Variants in ERN1 observed in about 807,000 individuals in gnomAD.
The protein encoded by ERN1 is serine/threonine-protein kinase/endoribonuclease IRE1.
ERN1 carries 39 observed loss-of-function variants against 113.1 expected under a neutral mutation model. The ratio of observed to expected loss-of-function variants is 0.34; its 90% CI spans 0.27 to 0.45. The LOEUF (loss-of-function observed/expected upper bound fraction) is 0.45, where lower values mean the gene tolerates loss of function less well. ERN1 is among the 20% of genes least tolerant of loss of function. ERN1 has a pLI of 1.00. For missense variants in ERN1, 976 were observed against 1,274.8 expected, an observed-to-expected ratio of 0.77 and a Z score of 3.57; for synonymous variants, 507 against 515.9, an observed-to-expected ratio of 0.98 and a Z score of 0.23.
chr17:64,119,370 T>C (rs899431146), intron 1 of ERN1, among the ~76,000 whole-genome samples: 3 of 148,046 alleles, frequency 2.0e-5, no homozygotes, highest in East Asian at 1.9e-4. Context: ...GTTCCTTTTT[T>C]TCTAGGTTTT....
intron 2 of ERN1, among the ~76,000 whole-genome samples, chr17:64,088,681 G>A (rs1414739833): frequency 6.6e-6 from 1 of 152,130 alleles, no homozygotes; most frequent in Non-Finnish European, 1.5e-5. Context: ...GGGAGCTTAT[G>A]GTTTGAGTTA....
At chr17:64,101,433 A>G (rs1376094921) in intron 1 of ERN1, among the ~76,000 whole-genome samples, 4 of 152,158 alleles carry the variant, frequency 2.6e-5, no homozygotes, top group Non-Finnish European at 4.4e-5. Context: ...AAGGGAAAAC[A>G]ATACTGCAAA....
chr17:64,055,951 G>C lies in ERN1; in HGVS notation c.1399-3C>G, dbSNP rs1401973324. 6.5e-7 allele frequency: 1 copy of C among 1,535,440 alleles called. No homozygotes were observed. ...AGCTGCTGCTGCTGATGCATGCTCT[G>C]GGAAGAGAAACCCACATCCAGACAA... On this transcript the variant is annotated splice_polypyrimidine_tract_variant and splice_region_variant and intron_variant, in intron 12 of 21. Coordinates refer to ENST00000433197, the MANE Select transcript of ERN1 (RefSeq NM_001433.5).
intron 2 of ERN1, among the ~76,000 whole-genome samples, chr17:64,085,934 A>G (rs891820445): frequency 1.3e-5 from 2 of 152,198 alleles, no homozygotes; most frequent in Non-Finnish European, 2.9e-5. Flanking sequence ...GGGGATATTA[A>G]GGGAGACTGA....
intron 6 of ERN1, 39 bp from the exon 7 acceptor site, chr17:64,068,330 G>C: frequency 7.2e-7 from 1 of 1,397,788 alleles, no homozygotes; most frequent in Non-Finnish European, 1.0e-6. Flanking sequence ...ACCACGGAGG[G>C]GCCATAGTAC....
chr17:64,066,712 C>T lies in ERN1; in HGVS notation c.801G>A (p.Lys267=). The change falls in exon 8 of 22, where the codon AAG becomes AAA. Residue 267 remains lysine, a synonymous_variant. Transcript: ENST00000433197. ...SGEVGRITKW[K]YPFPKETEAK... is the part of the protein sequence containing the mutation. ...CCTCTGTCTCCTTGGGGAACGGGTA[C>T]TTCCACTTTGTGATGCGCCCCACCT... 2 of 1,613,988 alleles carry T rather than the reference C, an allele frequency of 1.2e-6. No individual in the cohort carries two copies. Among genetic ancestry groups the T allele is most frequent in the Non-Finnish European group, 1.7e-6 (2 of 1,179,892 alleles).
chr17:64,062,489 G>A (rs1248867184), intron 10 of ERN1, among the ~76,000 whole-genome samples: 2 of 152,322 alleles, frequency 1.3e-5, no homozygotes, highest in East Asian at 1.9e-4. Context: ...AGAGGCTTTC[G>A]AATTGTGGGA....
At chr17:64,057,768 A>T in intron 12 of ERN1, 34 bp downstream of exon 12, 1 of 1,597,700 alleles carries the variant, frequency 6.3e-7, no homozygotes, top group East Asian at 2.2e-5. Flanking sequence ...CCCCAGAAAT[A>T]GGTGGATGGC....
chr17:64,092,789 T>C (rs940900798), intron 2 of ERN1, among the ~76,000 whole-genome samples: 3 of 152,290 alleles, frequency 2.0e-5, no homozygotes, highest in African/African-American at 4.8e-5. Context: ...CTGGAAATAC[T>C]AAAGAAAGTC....
intron 1 of ERN1, 105 bp downstream of exon 1, chr17:64,129,871 C>T: frequency 9.1e-7 from 1 of 1,103,736 alleles, no homozygotes; most frequent in Non-Finnish European, 1.2e-6. Context: ...TGGCCGCCGC[C>T]GTCGCGCTCC....
At position 64,060,598 on chromosome 17, in the gene ERN1, A is replaced by T; in HGVS notation, c.1088-11T>A. ...GGGTTTCATGGTGTCCTATGACAGG[A>T]AACAAAACCTTTAGTGAGAACAATT... On this transcript the variant is annotated splice_polypyrimidine_tract_variant and intron_variant, in intron 10 of 21. Transcript: ENST00000433197. The T allele has an allele frequency of 1.3e-6, 2 of 1,588,294 alleles. No individual in the cohort carries two copies. The highest frequency in any genetic ancestry group is 1.7e-6 in the Non-Finnish European group (2 of 1,156,456).
At chr17:64,048,209 A>G (rs775100284) in intron 18 of ERN1, among the ~76,000 whole-genome samples, 2 of 152,224 alleles carry the variant, frequency 1.3e-5, no homozygotes, top group Non-Finnish European at 2.9e-5. Flanking sequence ...CAGAGGCCCA[A>G]GTGGATACAC....
intron 1 of ERN1, 81 bp downstream of exon 1, chr17:64,129,895 A>T (rs1171687797): frequency 7.9e-7 from 1 of 1,259,138 alleles, no homozygotes; most frequent in African/African-American, 1.6e-5. Flanking sequence ...CTCGGACTCC[A>T]GCCCCGGCGC....
chr17:64,054,671 A>G lies in ERN1; in HGVS notation c.1763+67T>C. ...CCTGCTGTGCTCTGAGCCTGGCACC[A>G]GGCTCGCAACCTGACAGGCACTTAG... On this transcript the variant is annotated intron_variant, in intron 14 of 21. Coordinates refer to ENST00000433197, the MANE Select transcript of ERN1 (RefSeq NM_001433.5). This position sits in a 1 kb window ranked among gnomAD's most constrained non-coding sequence, Gnocchi z 4.9. 1 of 1,312,580 alleles carries G rather than the reference A, an allele frequency of 7.6e-7. No homozygotes were observed. The highest frequency in any genetic ancestry group is 1.1e-6 in the Non-Finnish European group (1 of 939,232). The allele number at this position is 1,312,580 out of a possible 1,614,324, so 81.3% of individuals were successfully genotyped here.
intron 1 of ERN1, among the ~76,000 whole-genome samples, chr17:64,125,441 A>T (rs1915055521): frequency 6.6e-6 from 1 of 152,150 alleles, no homozygotes; most frequent in Non-Finnish European, 1.5e-5. Context: ...ATCAGTTATA[A>T]CCCCAGTCCC....
intron 1 of ERN1, among the ~76,000 whole-genome samples, chr17:64,121,338 G>A (rs1179417514): frequency 2.0e-5 from 3 of 152,166 alleles, no homozygotes; most frequent in Non-Finnish European, 4.4e-5. Context: ...AGAGAAGAGC[G>A]GCTTGGGTTA....
At position 64,055,919 on chromosome 17, in the gene ERN1, GTGCTGGAGCTGCTGC is replaced by G; in HGVS notation, c.1413_1427del (p.Gln471_Gln475del). The G allele has an allele frequency of 6.5e-7, 1 of 1,548,244 alleles. No homozygotes were observed. The highest frequency in any genetic ancestry group is 2.4e-5 in the East Asian group (1 of 40,888). ...TCTCCAGTTCCTTCTGGAACTGCTG[GTGCTGGAGCTGCTGC>G]TGCTGATGCATGCTCTGGGAAGAGA... On this transcript the variant is annotated inframe_deletion, in exon 13 of 22. Coordinates refer to ENST00000433197, the MANE Select transcript of ERN1 (RefSeq NM_001433.5).
At chr17:64,046,824 C>T (rs9912097) in intron 19 of ERN1, among the ~76,000 whole-genome samples, 2,840 of 152,304 alleles carry the variant, frequency 0.019, 95 homozygotes, top group African/African-American at 0.064. Context: ...CACAAGCCTG[C>T]TTTCAGAGCC....
chr17:64,091,574 G>A (rs541845686), intron 2 of ERN1, among the ~76,000 whole-genome samples: 33 of 152,322 alleles, frequency 2.2e-4, no homozygotes, highest in African/African-American at 7.7e-4. Context: ...GAGAAAAAAT[G>A]GGCTCACCCT....
Sources: gnomAD v4.1 joint callset for allele counts (sites outside exome capture counted in the v4.1 genomes callset) on GRCh38, gnomAD v4.1.1 for gene constraint, Gnocchi (gnomAD v3.1) non-coding constraint, MANE v1.5 for transcripts, NCBI Gene and HGNC (gene_info 2026-07-23, HGNC 2026-07-21) for gene names.